Variants in TBC1D5 observed in about 807,000 individuals in gnomAD.
TBC1D5 encodes the protein TBC1 domain family, member 5.
In TBC1D5, 75 loss-of-function variants were observed where a neutral mutation model predicts 100.3. The ratio of observed to expected loss-of-function variants is 0.75; its 90% CI spans 0.62 to 0.91. The LOEUF (loss-of-function observed/expected upper bound fraction) is 0.91. TBC1D5 is among the 40% of genes least tolerant of loss of function. The pLI, the probability that TBC1D5 is intolerant of heterozygous loss-of-function variation, is 0.00. For synonymous variants in TBC1D5, 323 were observed against 325.6 expected (o/e 0.99, Z 0.09); for missense variants, 910 against 942.4 (o/e 0.97, Z 0.45).
intron 14 of TBC1D5, among the ~76,000 whole-genome samples, chr3:17,305,537 T>C (rs777604968): frequency 1.1e-4 from 17 of 152,194 alleles, no homozygotes; most frequent in African/African-American, 3.9e-4. Context: ...GTCAATCATT[T>C]GCAAAATTAA....
chr3:17,591,229 C>T (rs1400093307), intron 2 of TBC1D5, among the ~76,000 whole-genome samples: 3 of 17,544 alleles, frequency 1.7e-4, no homozygotes, highest in Non-Finnish European at 3.8e-4. Flanking sequence ...AAGAAAGGAT[C>T]TGTCAAAAAA....
At chr3:17,658,788 G>T (rs552277817) in intron 1 of TBC1D5, among the ~76,000 whole-genome samples, 30 of 151,980 alleles carry the variant, frequency 2.0e-4, no homozygotes, top group Non-Finnish European at 4.3e-4. Context: ...TCAGCCTCCC[G>T]AGTAGCTGGG....
chr3:17,490,993 G>A (rs1228452424), intron 3 of TBC1D5, among the ~76,000 whole-genome samples: 2 of 152,072 alleles, frequency 1.3e-5, no homozygotes, highest in African/African-American at 4.8e-5. Context: ...CTTGAGCAGT[G>A]GCTTGTAGTT....
At chr3:17,413,587 T>C (rs1260281719) in intron 4 of TBC1D5, among the ~76,000 whole-genome samples, 3 of 152,318 alleles carry the variant, frequency 2.0e-5, no homozygotes, top group African/African-American at 7.2e-5. Flanking sequence ...GTGAAACTAG[T>C]ACCTTCTAAA....
intron 14 of TBC1D5, among the ~76,000 whole-genome samples, chr3:17,299,236 A>C (rs1326474702): frequency 1.3e-5 from 2 of 152,216 alleles, no homozygotes. Context: ...GATATGCTGG[A>C]CAAGGGAAGA....
intron 14 of TBC1D5, among the ~76,000 whole-genome samples, chr3:17,295,472 C>A (rs1278888617): frequency 6.6e-6 from 1 of 152,176 alleles, no homozygotes; most frequent in Non-Finnish European, 1.5e-5. Flanking sequence ...CCTTTATGTG[C>A]CCCACAACTA....
At chr3:17,727,548 C>T (rs1237037813) in intron 1 of TBC1D5, among the ~76,000 whole-genome samples, 1 of 152,088 alleles carries the variant, frequency 6.6e-6, no homozygotes, top group African/African-American at 2.4e-5. Context: ...ATAACCCAAA[C>T]GTTTATTAAA....
intron 1 of TBC1D5, among the ~76,000 whole-genome samples, chr3:17,681,863 G>A (rs375933723): frequency 2.0e-5 from 3 of 151,494 alleles, no homozygotes; most frequent in Non-Finnish European, 4.4e-5. Flanking sequence ...CTCATCAGTC[G>A]CATGACTTAC....
intron 8 of TBC1D5, among the ~76,000 whole-genome samples, chr3:17,384,613 T>C (rs1390699291): frequency 6.6e-6 from 1 of 151,990 alleles, no homozygotes; most frequent in African/African-American, 2.4e-5. Flanking sequence ...GTAGTAGTAG[T>C]CAACTGGGTT....
intron 13 of TBC1D5, among the ~76,000 whole-genome samples, chr3:17,331,147 T>C (rs756318305): frequency 1.3e-5 from 2 of 152,166 alleles, no homozygotes; most frequent in Non-Finnish European, 2.9e-5. Flanking sequence ...CTTTAGTGAC[T>C]TGCTACAGCC....
intron 2 of TBC1D5, among the ~76,000 whole-genome samples, chr3:17,599,772 G>A (rs1373974894): frequency 6.6e-6 from 1 of 152,166 alleles, no homozygotes; most frequent in Non-Finnish European, 1.5e-5. Flanking sequence ...CCTGCAAGGG[G>A]TCTGAGCAAG....
intron 1 of TBC1D5, among the ~76,000 whole-genome samples, chr3:17,667,531 A>G (rs965439649): frequency 6.6e-6 from 1 of 152,078 alleles, no homozygotes; most frequent in East Asian, 1.9e-4. Context: ...TCATGGCTGC[A>G]GCCTTGACCT....
intron 7 of TBC1D5, among the ~76,000 whole-genome samples, 188 bp from the exon 8 acceptor site, chr3:17,403,436 C>G (rs368180771): frequency 6.6e-6 from 1 of 152,006 alleles, no homozygotes; most frequent in African/African-American, 2.4e-5. Context: ...CATCTTTATT[C>G]TAACATCAAT....
intron 18 of TBC1D5, among the ~76,000 whole-genome samples, chr3:17,206,798 G>T (rs1487813008): frequency 1.3e-5 from 2 of 152,056 alleles, no homozygotes; most frequent in Non-Finnish European, 2.9e-5. Context: ...TTTGAAGGTT[G>T]GTATGTATTA....
At chr3:17,327,324 C>G (rs2086271889) in intron 13 of TBC1D5, among the ~76,000 whole-genome samples, 1 of 152,152 alleles carries the variant, frequency 6.6e-6, no homozygotes, top group Non-Finnish European at 1.5e-5. Flanking sequence ...CCAGAGAGAT[C>G]GTTTCAAAAG....
At chr3:17,448,850 C>T (rs1464189413) in intron 3 of TBC1D5, among the ~76,000 whole-genome samples, 1 of 152,214 alleles carries the variant, frequency 6.6e-6, no homozygotes, top group Non-Finnish European at 1.5e-5. Context: ...CTAAATATCA[C>T]CAACTACATT....
intron 5 of TBC1D5, among the ~76,000 whole-genome samples, chr3:17,405,939 T>A (rs1211203689): frequency 6.6e-6 from 1 of 152,092 alleles, no homozygotes; most frequent in East Asian, 1.9e-4. Flanking sequence ...CCTTTTCCTC[T>A]AAAGGAGAGT....
At chr3:17,580,374 G>T (rs2096685960) in intron 2 of TBC1D5, among the ~76,000 whole-genome samples, 1 of 152,046 alleles carries the variant, frequency 6.6e-6, no homozygotes, top group Admixed American at 6.6e-5. Flanking sequence ...GAGAACTACA[G>T]AAGAAGCCTA....
Position 17,284,111 on chromosome 3 carries a change from C to CACACACAT in TBC1D5, c.1245+7783_1245+7784insATGTGTGT, listed in dbSNP as rs1553651914. On this transcript the variant is annotated intron_variant, in intron 15 of 21. Transcript: ENST00000253692. The stretch of plus-strand genomic sequence containing the variant: ...TTTTACACACACACACACACACACA[C>CACACACAT]ACACACACACACGTATTTTTAATTT... Among the ~76,000 whole-genome samples, 995 of 150,974 alleles carry CACACACAT rather than the reference C, an allele frequency of 6.6e-3. 14 individuals carry two copies. Among genetic ancestry groups the CACACACAT allele is most frequent in the African/African-American group, 0.023 (939 of 40,768 alleles).
Sources: allele counts gnomAD v4.1 joint callset (sites outside exome capture counted in the v4.1 genomes callset), GRCh38; gene constraint gnomAD v4.1.1; transcripts MANE v1.5; gene names NCBI Gene and HGNC (gene_info 2026-07-23, HGNC 2026-07-21).